The following ANTXR1 variants were observed in gnomAD, a reference collection of about 807,000 sequenced individuals.
ANTXR1 encodes ANTXR cell adhesion molecule 1.
In ANTXR1, 19 loss-of-function variants were observed where a neutral mutation model predicts 78.1. The ratio of observed to expected loss-of-function variants is 0.24; its 90% CI spans 0.17 to 0.36. The LOEUF is 0.36. ANTXR1 is among the 10% of genes least tolerant of loss of function. The pLI is 1.00. For missense variants in ANTXR1, 518 were observed against 718.6 expected (o/e 0.72, Z 3.19); for synonymous variants, 273 against 260.5 (o/e 1.05, Z -0.46).
intron 1 of ANTXR1, among the ~76,000 whole-genome samples, chr2:69,029,721 T>C (rs1671471080): frequency 6.6e-6 from 1 of 152,076 alleles, no homozygotes; most frequent in Admixed American, 6.5e-5. Context: ...ATGATACACA[T>C]TTTAAAATTG....
At chr2:69,157,555 G>A (rs1202423958) in intron 13 of ANTXR1, among the ~76,000 whole-genome samples, 1 of 152,092 alleles carries the variant, frequency 6.6e-6, no homozygotes, top group Non-Finnish European at 1.5e-5. Flanking sequence ...ACTAGGGACT[G>A]CAGAGCAACC....
intron 1 of ANTXR1, among the ~76,000 whole-genome samples, chr2:69,021,029 G>C (rs533983786): frequency 6.6e-6 from 1 of 152,306 alleles, no homozygotes; most frequent in Non-Finnish European, 1.5e-5. Context: ...AGAGCTAAAG[G>C]CTTCAGTGAG....
At chr2:69,190,388 T>C (rs1472153235) in intron 16 of ANTXR1, among the ~76,000 whole-genome samples, 1 of 152,176 alleles carries the variant, frequency 6.6e-6, no homozygotes, top group African/African-American at 2.4e-5. Context: ...GATGGACAGA[T>C]GCATGCTTAC....
rs1409488308 is a variant in ANTXR1, at chr2:69,013,977, G to A, written c.152+326G>A. 6.6e-6 allele frequency among the ~76,000 whole-genome samples: 1 copy of A among 152,236 alleles called. No homozygotes were observed. The highest frequency in any genetic ancestry group is 1.5e-5 in the Non-Finnish European group (1 of 68,044). On this transcript the variant is annotated intron_variant, in intron 1 of 17. Coordinates refer to ENST00000303714, the MANE Select transcript of ANTXR1 (RefSeq NM_032208.3). The surrounding 1 kb of genome is among the most constrained non-coding windows in gnomAD (Gnocchi z 5.0). ...CTGAGTTTCTGTGACTCCCTCCCGT[G>A]TTGGTGGGAAAGGCTTGCTTACCAA...
chr2:69,032,018 T>A (rs1280999800), intron 1 of ANTXR1, among the ~76,000 whole-genome samples: 1 of 152,168 alleles, frequency 6.6e-6, no homozygotes, highest in African/African-American at 2.4e-5. Context: ...GTAAAGATAT[T>A]GTTAAAAAAT....
chr2:69,049,463 G>A (rs999179471), intron 3 of ANTXR1, among the ~76,000 whole-genome samples: 3 of 151,680 alleles, frequency 2.0e-5, no homozygotes, highest in Admixed American at 6.6e-5. Context: ...GGTGCACACC[G>A]CCATGCCAGG....
rs146270407 is a variant in ANTXR1, at chr2:69,042,911, C to A, written c.225-1831C>A. 1.1e-3 allele frequency among the ~76,000 whole-genome samples: 163 copies of A among 152,294 alleles called. 1 individual carries two copies. The highest frequency in any genetic ancestry group is 3.4e-3 in the Middle Eastern group (1 of 294). The stretch of plus-strand genomic sequence containing the variant: ...TGGCTCTCATTCTGCTTCCATCTCA[C>A]TGGCCTCAGCCAGCCCTTCCCATAC... On this transcript the variant is annotated intron_variant, in intron 2 of 17. Coordinates refer to ENST00000303714, the MANE Select transcript of ANTXR1 (RefSeq NM_032208.3).
chr2:69,194,957 C>G (rs1573968881), intron 17 of ANTXR1, among the ~76,000 whole-genome samples: 2 of 152,080 alleles, frequency 1.3e-5, no homozygotes, highest in Admixed American at 1.3e-4. Flanking sequence ...ATCACAAGGG[C>G]AAGAGATCGA....
In ANTXR1 at chr2:69,245,534, A is replaced by G; in HGVS notation, c.*49A>G. On this transcript the variant is annotated 3_prime_UTR_variant, in exon 18 of 18. Coordinates refer to ENST00000303714, the MANE Select transcript of ANTXR1 (RefSeq NM_032208.3). ...TCTCTCAGAAACTTCAGGAGATGTT[A>G]GAACAAGTCTTTCCAGTTAGAGAAG... The G allele has an allele frequency of 1.9e-6, 3 of 1,607,672 alleles. No homozygotes were observed. Among genetic ancestry groups the G allele is most frequent in the Non-Finnish European group, 2.5e-6 (3 of 1,178,372 alleles).
intron 17 of ANTXR1, among the ~76,000 whole-genome samples, chr2:69,226,678 G>T (rs1159215416): frequency 2.6e-5 from 4 of 152,026 alleles, no homozygotes; most frequent in African/African-American, 7.2e-5. Context: ...ATGAAGTAGA[G>T]GTCATACCGT....
intron 14 of ANTXR1, among the ~76,000 whole-genome samples, chr2:69,177,432 G>A (rs988962345): frequency 3.3e-5 from 5 of 152,212 alleles, no homozygotes; most frequent in African/African-American, 1.2e-4. Context: ...TCCTCGAACA[G>A]CACTGTGCCT....
At chr2:69,100,836 G>C (rs923351825) in intron 9 of ANTXR1, among the ~76,000 whole-genome samples, 1 of 152,168 alleles carries the variant, frequency 6.6e-6, no homozygotes, top group Non-Finnish European at 1.5e-5. Flanking sequence ...AGCCAACCAA[G>C]GAATCTGTCA....
At chr2:69,233,842 A>C (rs1158786873) in intron 17 of ANTXR1, among the ~76,000 whole-genome samples, 2 of 152,170 alleles carry the variant, frequency 1.3e-5, no homozygotes, top group Middle Eastern at 3.4e-3. Flanking sequence ...ATATCAACAG[A>C]AATACTGTAA....
At chr2:69,079,622 T>TCG (rs377218420) in intron 8 of ANTXR1, among the ~76,000 whole-genome samples, 66 of 152,224 alleles carry the variant, frequency 4.3e-4, no homozygotes, top group African/African-American at 1.5e-3. Flanking sequence ...AACATGAGCC[T>TCG]CGAAGGGGTT....
chr2:69,211,137 G>A (rs143928819), intron 17 of ANTXR1, among the ~76,000 whole-genome samples: 116 of 152,206 alleles, frequency 7.6e-4, no homozygotes, highest in Middle Eastern at 3.4e-3. Flanking sequence ...TAAACAAGGA[G>A]AAACAGGGAG....
chr2:69,230,382 T>G (rs752871811), intron 17 of ANTXR1, among the ~76,000 whole-genome samples: 1 of 151,982 alleles, frequency 6.6e-6, no homozygotes, highest in Non-Finnish European at 1.5e-5. Context: ...CTTTACCACT[T>G]GGCCTTACAG....
intron 12 of ANTXR1, among the ~76,000 whole-genome samples, chr2:69,131,743 G>T (rs895135228): frequency 2.0e-5 from 3 of 152,184 alleles, no homozygotes; most frequent in Non-Finnish European, 4.4e-5. Flanking sequence ...GGAAAGAAAA[G>T]GAGCCAGAAG....
At chr2:69,086,845 G>A (rs1285589996) in intron 8 of ANTXR1, among the ~76,000 whole-genome samples, 1 of 152,210 alleles carries the variant, frequency 6.6e-6, no homozygotes, top group African/African-American at 2.4e-5. Flanking sequence ...GCTGGCTGGT[G>A]ACCCAAGGGT....
At chr2:69,234,474 C>T (rs1253399732) in intron 17 of ANTXR1, among the ~76,000 whole-genome samples, 6 of 152,272 alleles carry the variant, frequency 3.9e-5, no homozygotes, top group South Asian at 2.1e-4. Context: ...ATATGTCAGG[C>T]ACCATTCAAA....
Sources: gnomAD v4.1 joint callset for allele counts (sites outside exome capture counted in the v4.1 genomes callset) on GRCh38, gnomAD v4.1.1 for gene constraint, Gnocchi (gnomAD v3.1) non-coding constraint, MANE v1.5 for transcripts, NCBI Gene and HGNC (gene_info 2026-07-23, HGNC 2026-07-21) for gene names.